Variants in PPP1R1C observed in about 807,000 individuals in gnomAD.
PPP1R1C encodes protein phosphatase 1 regulatory subunit 1C.
A neutral mutation model predicts 17.4 loss-of-function variants in PPP1R1C; 15 were observed. That is an observed-to-expected ratio of 0.86 (90% CI 0.58 to 1.33). The LOEUF is 1.33. Ranked by LOEUF, PPP1R1C falls within the 40% of genes most tolerant of loss-of-function variation. The probability of loss-of-function intolerance (pLI) is 0.00; values close to 1 mark genes in which losing one functional copy is unlikely to be tolerated. For synonymous variants in PPP1R1C, 35 were observed against 43.1 expected, an observed-to-expected ratio of 0.81 and a Z score of 0.73; for missense variants, 143 against 130.0, an observed-to-expected ratio of 1.10 and a Z score of -0.48.
At chr2:182,092,853 C>T (rs897521283) in intron 4 of PPP1R1C, among the ~76,000 whole-genome samples, 2 of 152,170 alleles carry the variant, frequency 1.3e-5, no homozygotes, top group South Asian at 4.1e-4. Context: ...AGGGTACAGC[C>T]TCCCTTCTGG....
intron 3 of PPP1R1C, among the ~76,000 whole-genome samples, chr2:182,062,804 G>A (rs1687886687): frequency 6.6e-6 from 1 of 152,054 alleles, no homozygotes; most frequent in South Asian, 2.1e-4. Flanking sequence ...TCTTGCTAAT[G>A]TGCATAGCAA....
In PPP1R1C at chr2:181,962,508, G is replaced by A. The variant is rs1470121045; in HGVS notation, n.111+7874G>A. On this transcript the variant is annotated intron_variant and non_coding_transcript_variant, in intron 1 of 5. Coordinates refer to the PPP1R1C transcript ENST00000464264. This position sits in a 1 kb window ranked among gnomAD's most constrained non-coding sequence, Gnocchi z 6.0. ...TCCAGGGAGGAGAGTGAGAGGACAGGACTCAGGCTTTGCCGACCCGTCATA... is the reference window on the plus strand; with the variant it reads ...TCCAGGGAGGAGAGTGAGAGGACAGAACTCAGGCTTTGCCGACCCGTCATA... The A allele has an allele frequency of 3.1e-6, 2 of 654,418 alleles. No individual in the cohort carries two copies. The highest frequency in any genetic ancestry group is 2.1e-5 in the Admixed American group (1 of 47,588). 40.5% of individuals were successfully genotyped at this position (654,418 alleles called of 1,614,324 possible). A position where few individuals can be genotyped will look rare whatever the true frequency, so the allele number is the denominator to read the frequency against.
chr2:182,080,664 C>T (rs1352832286), intron 4 of PPP1R1C, among the ~76,000 whole-genome samples: 1 of 151,976 alleles, frequency 6.6e-6, no homozygotes, highest in Non-Finnish European at 1.5e-5. Flanking sequence ...AGTAAGTTGG[C>T]CTTATTTAGT....
intron 4 of PPP1R1C, among the ~76,000 whole-genome samples, chr2:182,106,445 G>A (rs1441722870): frequency 6.6e-6 from 1 of 152,192 alleles, no homozygotes; most frequent in Non-Finnish European, 1.5e-5. Flanking sequence ...GACACCAAGG[G>A]GAATTTGGTT....
chr2:182,081,663 T>C (rs1483400054), intron 4 of PPP1R1C, among the ~76,000 whole-genome samples: 1 of 152,070 alleles, frequency 6.6e-6, no homozygotes, highest in Non-Finnish European at 1.5e-5. Flanking sequence ...TCTGGATGCA[T>C]TTTGTAAAAA....
intron 4 of PPP1R1C, among the ~76,000 whole-genome samples, chr2:182,097,900 C>T (rs1335687064): frequency 6.6e-6 from 1 of 152,140 alleles, no homozygotes; most frequent in Non-Finnish European, 1.5e-5. Context: ...CCAAGGCAAA[C>T]TCTTCTAAAA....
At chr2:182,024,201 A>G (rs1686520340) in intron 2 of PPP1R1C, among the ~76,000 whole-genome samples, 1 of 152,238 alleles carries the variant, frequency 6.6e-6, no homozygotes, top group Non-Finnish European at 1.5e-5. Flanking sequence ...GAGCAAGTTA[A>G]AAAGGACTTA....
chr2:182,032,057 A>C (rs1285166120), intron 2 of PPP1R1C, among the ~76,000 whole-genome samples: 1 of 152,182 alleles, frequency 6.6e-6, no homozygotes, highest in Non-Finnish European at 1.5e-5. Flanking sequence ...GTAGAAGGTA[A>C]CTTGTTCTTT....
intron 4 of PPP1R1C, among the ~76,000 whole-genome samples, chr2:182,091,306 A>G (rs887120851): frequency 6.6e-5 from 10 of 152,184 alleles, no homozygotes; most frequent in Admixed American, 6.6e-4. Context: ...CTGAAATATG[A>G]TGAAATATTA....
Position 181,967,700 on chromosome 2 carries a change from CTCTTTCTTTCTTTCATTCTT to C in PPP1R1C, n.112-7509_112-7490del, listed in dbSNP as rs1684928442. Among the ~76,000 whole-genome samples the C allele has an allele frequency of 6.7e-6, 1 of 149,796 alleles. No homozygotes were observed. Among genetic ancestry groups the C allele is most frequent in the African/African-American group, 2.5e-5 (1 of 40,610 alleles). On this transcript the variant is annotated intron_variant and non_coding_transcript_variant, in intron 1 of 5. Transcript: ENST00000464264. This position sits in a 1 kb window ranked among gnomAD's most constrained non-coding sequence, Gnocchi z 5.5. ...CTTTCCTTCCTTCCTTCCTTTCTTT[CTCTTTCTTTCTTTCATTCTT>C]TCTTTCTTTTCTGAGATGGAGTTTC...
At position 182,061,927 on chromosome 2, in the gene PPP1R1C, C is replaced by G. The variant is rs547228592; in HGVS notation, c.180+448C>G. Among the ~76,000 whole-genome samples the G allele has an allele frequency of 1.8e-3, 268 of 152,152 alleles. 1 individual carries two copies. The highest frequency in any genetic ancestry group is 6.0e-3 in the African/African-American group (251 of 41,544). On this transcript the variant is annotated intron_variant, in intron 3 of 4. Transcript: ENST00000682840. Reference sequence around the variant, plus strand: ...CCAAAGCCTGAGTAAACAGATCCAACGGGTTCACCTAGAAATGTACTCAGA... The same window carrying G: ...CCAAAGCCTGAGTAAACAGATCCAAGGGGTTCACCTAGAAATGTACTCAGA...
At position 181,967,318 on chromosome 2, in the gene PPP1R1C, T is replaced by A; in HGVS notation, n.112-7901T>A. Among the ~76,000 whole-genome samples, 1 of 151,902 alleles carries A rather than the reference T, an allele frequency of 6.6e-6. No individual in the cohort carries two copies. Among genetic ancestry groups the A allele is most frequent in the South Asian group, 2.1e-4 (1 of 4,814 alleles). On this transcript the variant is annotated intron_variant and non_coding_transcript_variant, in intron 1 of 5. Transcript: ENST00000464264. The surrounding 1 kb of genome is among the most constrained non-coding windows in gnomAD (Gnocchi z 5.5). ...TATTTCTGCTCTGATACCTGTGGGGTTTTTTTTCTTGTACTAATTTTGGGT... is the reference window on the plus strand; with the variant it reads ...TATTTCTGCTCTGATACCTGTGGGGATTTTTTTCTTGTACTAATTTTGGGT...
chr2:182,077,310 G>T (rs1688343831), intron 4 of PPP1R1C, among the ~76,000 whole-genome samples: 1 of 151,996 alleles, frequency 6.6e-6, no homozygotes, highest in Non-Finnish European at 1.5e-5. Flanking sequence ...TGATAAAAAG[G>T]AGAAACGCCT....
At position 181,962,147 on chromosome 2, in the gene PPP1R1C, T is replaced by C; in HGVS notation, n.111+7513T>C. ...CTTCTTCTCCAGGTGCTCCCGGATT[T>C]TGCTCTCCAGCTTCCGGTTCTTGGT... On this transcript the variant is annotated intron_variant and non_coding_transcript_variant, in intron 1 of 5. Coordinates refer to the PPP1R1C transcript ENST00000464264. This position sits in a 1 kb window ranked among gnomAD's most constrained non-coding sequence, Gnocchi z 6.0. The C allele has an allele frequency of 1.4e-6, 1 of 735,564 alleles. No homozygotes were observed. Among genetic ancestry groups the C allele is most frequent in the Non-Finnish European group, 2.5e-6 (1 of 401,126 alleles). The allele number at this position is 735,564 out of a possible 1,614,324, so 45.6% of individuals were successfully genotyped here. A position where few individuals can be genotyped will look rare whatever the true frequency, so the allele number is the denominator to read the frequency against.
At chr2:182,096,540 T>G (rs1024339373) in intron 4 of PPP1R1C, among the ~76,000 whole-genome samples, 1 of 150,592 alleles carries the variant, frequency 6.6e-6, no homozygotes, top group Non-Finnish European at 1.5e-5. Flanking sequence ...TCCCGTGACC[T>G]CCCCTCGCAA....
chr2:182,090,320 A>T (rs533433027), intron 4 of PPP1R1C, among the ~76,000 whole-genome samples: 3,474 of 110,676 alleles, frequency 0.031, 121 homozygotes, highest in African/African-American at 0.14. Context: ...TGTGTGTCAG[A>T]GAGAGACAGA....
chr2:182,041,537 A>C (rs1687182206), intron 2 of PPP1R1C, among the ~76,000 whole-genome samples: 1 of 145,092 alleles, frequency 6.9e-6, no homozygotes, highest in Non-Finnish European at 1.5e-5. Context: ...GGAACCCGGG[A>C]GGCGGAGGTT....
In PPP1R1C at chr2:181,976,745, TA is replaced by T. The variant is rs1685097887; in HGVS notation, n.157+1486del. ...GTCTGGTTCATCTATAAAATAAATC[TA>T]AAAAGCTCCACTCCACTCTTGCTCT... On this transcript the variant is annotated intron_variant and non_coding_transcript_variant, in intron 2 of 5. Transcript: ENST00000464264. The surrounding 1 kb of genome is among the most constrained non-coding windows in gnomAD (Gnocchi z 4.8). Among the ~76,000 whole-genome samples, 1 of 152,148 alleles carries T rather than the reference TA, an allele frequency of 6.6e-6. No homozygotes were observed. Among genetic ancestry groups the T allele is most frequent in the African/African-American group, 2.4e-5 (1 of 41,434 alleles).
chr2:181,994,092 A>G (rs961069440), intron 2 of PPP1R1C, among the ~76,000 whole-genome samples: 1 of 152,086 alleles, frequency 6.6e-6, no homozygotes, highest in African/African-American at 2.4e-5. Flanking sequence ...TATGTATCCT[A>G]TATTGTAGTG....
Sources: gnomAD v4.1 joint callset for allele counts (sites outside exome capture counted in the v4.1 genomes callset) on GRCh38, gnomAD v4.1.1 for gene constraint, Gnocchi (gnomAD v3.1) non-coding constraint, MANE v1.5 for transcripts, NCBI Gene and HGNC (gene_info 2026-07-23, HGNC 2026-07-21) for gene names.